ZNF638: variants seen among roughly 807,000 people sequenced by gnomAD.
The protein encoded by ZNF638 is CTCL tumor antigen se33-1.
In ZNF638, 46 loss-of-function variants were observed where a neutral mutation model predicts 195.6. The ratio of observed to expected loss-of-function variants is 0.24; its 90% CI spans 0.19 to 0.30. The LOEUF (loss-of-function observed/expected upper bound fraction) is 0.30. Among genes scored for constraint, ZNF638 ranks in the 10% least tolerant of loss-of-function variants. The pLI is 1.00. For synonymous variants in ZNF638, 845 were observed against 772.0 expected, an observed-to-expected ratio of 1.09 and a Z score of -1.57; for missense variants, 2,440 against 2,325.3, an observed-to-expected ratio of 1.05 and a Z score of -1.01.
At chr2:71,337,384 A>T (rs1255692055) in intron 1 of ZNF638, among the ~76,000 whole-genome samples, 2 of 152,142 alleles carry the variant, frequency 1.3e-5, no homozygotes, top group Non-Finnish European at 2.9e-5. Context: ...AGTCATAGTT[A>T]CCAACTTCAA....
At chr2:71,407,657 T>C (rs891562301) in intron 19 of ZNF638, 1 of 152,494 alleles carries the variant, frequency 6.6e-6, no homozygotes, top group African/African-American at 2.4e-5. Context: ...TGTGAACTTT[T>C]GTCTCCTCAA....
At chr2:71,390,691 C>G (rs115509562) in intron 10 of ZNF638, among the ~76,000 whole-genome samples, 2 of 152,032 alleles carry the variant, frequency 1.3e-5, no homozygotes, top group African/African-American at 2.4e-5. Context: ...CCTTAAAAAT[C>G]GGAAATAAGA....
chr2:71,371,197 A>G (rs1274816387), intron 8 of ZNF638, among the ~76,000 whole-genome samples: 1 of 152,214 alleles, frequency 6.6e-6, no homozygotes. Context: ...ATGGCTGAAG[A>G]GTACTCCATT....
At position 71,398,709 on chromosome 2, in the gene ZNF638, G is replaced by C. The variant is rs2079944885; in HGVS notation, c.2437G>C (p.Ala813Pro). 3 of 1,613,074 alleles carry C rather than the reference G, an allele frequency of 1.9e-6. No homozygotes were observed. In the Admixed American group the frequency reaches 5.0e-5, roughly 27 times the overall value. ...AKVNKSTGKS[A>P]SSVKSVVTVA... is the part of the protein sequence containing the mutation. ...CATCTTTTGTGATTTAGGGAAATCAGCAAGTTCTGTAAAATCTGTGGTAAC... is the reference window on the plus strand; with the variant it reads ...CATCTTTTGTGATTTAGGGAAATCACCAAGTTCTGTAAAATCTGTGGTAAC... Residue 813 changes from alanine (A) to proline (P), a missense_variant, in exon 12 of 28, where the codon GCA (alanine) becomes CCA (proline). Ala to Pro is a conservative substitution (Grantham distance 27). Around this residue, in one of 5 missense-constraint regions of ZNF638, gnomAD observed 1,883 missense variants for 1,739.1 expected, o/e 1.08. Coordinates refer to ENST00000264447, the MANE Select transcript of ZNF638 (RefSeq NM_014497.5).
chr2:71,420,173 C>A (rs1006017040), intron 21 of ZNF638, among the ~76,000 whole-genome samples: 1 of 151,568 alleles, frequency 6.6e-6, no homozygotes, highest in Non-Finnish European at 1.5e-5. Context: ...AGCTGTTTTC[C>A]CACCTCAGCT....
chr2:71,396,044 C>A, intron 10 of ZNF638, 97 bp from the exon 11 acceptor site: 1 of 1,114,054 alleles, frequency 9.0e-7, no homozygotes, highest in Non-Finnish European at 1.3e-6. Flanking sequence ...CTGTTTCTTG[C>A]AGGGTTCTTT....
At chr2:71,367,824 G>A (rs2104290508) in intron 6 of ZNF638, among the ~76,000 whole-genome samples, 1 of 151,014 alleles carries the variant, frequency 6.6e-6, no homozygotes, top group East Asian at 2.0e-4. Flanking sequence ...TTCTGCCTTG[G>A]CCTCCCAAAG....
chr2:71,348,139 G>A (rs931659844), intron 1 of ZNF638, among the ~76,000 whole-genome samples: 1 of 152,140 alleles, frequency 6.6e-6, no homozygotes, highest in African/African-American at 2.4e-5. Flanking sequence ...ATGTTATAAC[G>A]AATTCCATGC....
intron 1 of ZNF638, chr2:71,334,442 C>T (rs980054327): frequency 8.5e-5 from 13 of 152,162 alleles, no homozygotes; most frequent in African/African-American, 2.9e-4. Context: ...GTGGCTAAAG[C>T]TAATAAGCCC....
intron 8 of ZNF638, chr2:71,379,679 T>C (rs2079498686): frequency 6.6e-6 from 1 of 152,222 alleles, no homozygotes; most frequent in African/African-American, 2.4e-5. Flanking sequence ...AGATCTACAG[T>C]ACAGTAAGAT....
rs35822775 is a variant in ZNF638 at position 71,339,150 on chromosome 2, GTT to G, written c.-203+7292_-203+7293del. Among the ~76,000 whole-genome samples, 452 of 130,116 alleles carry G rather than the reference GTT, an allele frequency of 3.5e-3. 1 individual carries two copies. Among genetic ancestry groups the G allele is most frequent in the South Asian group, 0.014 (59 of 4,262 alleles). The allele number at this position is 130,116 out of a possible 152,430, so 85.4% of individuals were successfully genotyped here. ...CTTTTAATGCATTTAGTCGGTTTAG[GTT>G]TTTTTTTTTTTTTTTTATTGAGACG... is the stretch of plus-strand genomic sequence containing the variant. On this transcript the variant is annotated intron_variant, in intron 1 of 27. Coordinates refer to ENST00000264447, the MANE Select transcript of ZNF638 (RefSeq NM_014497.5).
At chr2:71,428,697 G>T in intron 25 of ZNF638, 46 bp downstream of exon 25, 7 of 1,488,948 alleles carry the variant, frequency 4.7e-6, no homozygotes, top group Non-Finnish European at 6.5e-6. Flanking sequence ...CACAACACAG[G>T]AGAGTAGTTG....
intron 10 of ZNF638, chr2:71,395,677 G>A (rs1002318544): frequency 6.2e-6 from 3 of 484,500 alleles, no homozygotes; most frequent in South Asian, 1.7e-5. Context: ...AAATACAAGC[G>A]GCTCCAGCTT....
At chr2:71,353,928 T>A (rs1037858611) in intron 2 of ZNF638, among the ~76,000 whole-genome samples, 2 of 152,164 alleles carry the variant, frequency 1.3e-5, no homozygotes, top group Non-Finnish European at 2.9e-5. Context: ...CTTCTAGCTT[T>A]CTATTTGTAT....
chr2:71,397,830 C>A (rs1259992458), intron 11 of ZNF638, among the ~76,000 whole-genome samples: 1 of 152,066 alleles, frequency 6.6e-6, no homozygotes, highest in African/African-American at 2.4e-5. Flanking sequence ...GAAAATAGGC[C>A]ATAGTAATAG....
intron 3 of ZNF638, among the ~76,000 whole-genome samples, chr2:71,360,896 G>C (rs2079097894): frequency 6.6e-6 from 1 of 152,116 alleles, no homozygotes; most frequent in Non-Finnish European, 1.5e-5. Flanking sequence ...TCCAAATTCT[G>C]CTTGCAGAAT....
At chr2:71,429,164 TGATTCA>T (rs1464299143) in intron 25 of ZNF638, among the ~76,000 whole-genome samples, 2 of 152,226 alleles carry the variant, frequency 1.3e-5, no homozygotes, top group East Asian at 3.8e-4. Context: ...AGGGGTTTAT[TGATTCA>T]GAGAGGTTAA....
chr2:71,392,965 A>G (rs2079813806), intron 10 of ZNF638, among the ~76,000 whole-genome samples: 1 of 152,228 alleles, frequency 6.6e-6, no homozygotes, highest in Non-Finnish European at 1.5e-5. Context: ...ATACATCATT[A>G]AACATCTTTT....
intron 10 of ZNF638, chr2:71,388,389 T>C (rs188075880): frequency 2.8e-5 from 18 of 643,182 alleles, no homozygotes; most frequent in Admixed American, 8.5e-5. Flanking sequence ...TTTGATCATC[T>C]GACCTTTGAT....
Sources: gnomAD v4.1 joint callset for allele counts (sites outside exome capture counted in the v4.1 genomes callset) on GRCh38, gnomAD v4.1.1 for gene constraint, gnomAD v4.1.1 regional missense constraint, MANE v1.5 for transcripts, NCBI Gene and HGNC (gene_info 2026-07-23, HGNC 2026-07-21) for gene names.